NSUN6: variants seen among roughly 807,000 people sequenced by gnomAD.
NSUN6 encodes the protein NOP2/Sun RNA methyltransferase 6.
A neutral mutation model predicts 58.0 loss-of-function variants in NSUN6; 64 were observed. The ratio of observed to expected loss-of-function variants is 1.10; its 90% confidence interval spans 0.90 to 1.36. The LOEUF (loss-of-function observed/expected upper bound fraction) is 1.36, where lower values mean the gene tolerates loss of function less well. Ranked by LOEUF, NSUN6 falls within the 40% of genes most tolerant of loss-of-function variation. The pLI is 0.00. For synonymous variants in NSUN6, 231 were observed against 193.9 expected, an observed-to-expected ratio of 1.19 and a Z score of -1.59; for missense variants, 701 against 550.1, an observed-to-expected ratio of 1.27 and a Z score of -2.74.
chr10:18,656,715 C>A (rs912452276), upstream of NSUN6, among the ~76,000 whole-genome samples: 1 of 149,854 alleles, frequency 6.7e-6, no homozygotes, highest in Non-Finnish European at 1.5e-5. Flanking sequence ...TCCTTGAACT[C>A]TTTAAAATAT....
At chr10:18,575,960 G>A (rs575311472) in intron 8 of NSUN6, among the ~76,000 whole-genome samples, 2 of 152,240 alleles carry the variant, frequency 1.3e-5, no homozygotes, top group East Asian at 3.9e-4. Flanking sequence ...ATCAAAAGCT[G>A]GAAGGAGAAG....
chr10:18,615,440 G>C (rs1221146253), intron 4 of NSUN6, among the ~76,000 whole-genome samples: 1 of 152,112 alleles, frequency 6.6e-6, no homozygotes. Context: ...TTCCTGTAAA[G>C]GGCAAATAAA....
chr10:18,574,381 C>T (rs902241310), intron 8 of NSUN6, among the ~76,000 whole-genome samples: 7 of 151,950 alleles, frequency 4.6e-5, no homozygotes, highest in African/African-American at 9.7e-5. Context: ...TAACATAGAC[C>T]ACCGAAAATT....
At chr10:18,628,724 G>A (rs1490814760) in intron 3 of NSUN6, among the ~76,000 whole-genome samples, 2 of 152,164 alleles carry the variant, frequency 1.3e-5, no homozygotes, top group Admixed American at 6.5e-5. Flanking sequence ...AAAAAGAAAT[G>A]AGGAAAGCCT....
chr10:18,628,977 G>A (rs1337218073), intron 3 of NSUN6, among the ~76,000 whole-genome samples: 2 of 152,126 alleles, frequency 1.3e-5, no homozygotes, highest in Non-Finnish European at 2.9e-5. Flanking sequence ...TTGAAATGAA[G>A]GAAAAAATGT....
At chr10:18,578,348 C>G (rs2056760140) in intron 8 of NSUN6, among the ~76,000 whole-genome samples, 1 of 151,732 alleles carries the variant, frequency 6.6e-6, no homozygotes, top group Non-Finnish European at 1.5e-5. Flanking sequence ...ATTCTGCTCC[C>G]TCAGCTTCCT....
intron 8 of NSUN6, among the ~76,000 whole-genome samples, chr10:18,558,711 T>G (rs12571081): frequency 0.33 from 44,329 of 134,600 alleles, 7,796 homozygotes; most frequent in East Asian, 0.72. Flanking sequence ...GGAATGGAAT[T>G]GAAAGTGGAA....
chr10:18,546,116 C>T lies in NSUN6; in HGVS notation c.1227G>A (p.Arg409=). 6.2e-7 allele frequency: 1 copy of T among 1,613,536 alleles called. No individual in the cohort carries two copies. Among genetic ancestry groups the T allele is most frequent in the Non-Finnish European group, 8.5e-7 (1 of 1,179,612 alleles). ...ACTGTTCACATGAGAGCCCAGCTCC[C>T]CTCATTCCTTCTCCTCCAATCTGCG... ...QEPQIGGEGM[R]GAGLSCEQLK... Residue 409 remains arginine, a synonymous_variant, in exon 11 of 11, where the codon AGG becomes AGA. Coordinates refer to ENST00000377304, the MANE Select transcript of NSUN6 (RefSeq NM_182543.5).
chr10:18,587,044 T>C (rs570206456), intron 7 of NSUN6, among the ~76,000 whole-genome samples: 23 of 152,348 alleles, frequency 1.5e-4, no homozygotes, highest in African/African-American at 1.9e-4. Context: ...TAAATACTTA[T>C]GGCTTTCCAT....
At position 18,651,231 on chromosome 10, in the gene NSUN6, G is replaced by A; in HGVS notation, c.-28C>T. The A allele has an allele frequency of 6.6e-7, 1 of 1,516,198 alleles. No individual in the cohort carries two copies. The highest frequency in any genetic ancestry group is 1.4e-5 in the African/African-American group (1 of 69,658). The allele number at this position is 1,516,198 out of a possible 1,614,324, so 93.9% of individuals were successfully genotyped here. A position where few individuals can be genotyped will look rare whatever the true frequency, so the allele number is the denominator to read the frequency against. ...TTCCTGTTGTTTAGTTCTCCACCAA[G>A]AGAAATGCTGGAAAACGGTGTTTTG... On this transcript the variant is annotated 5_prime_UTR_variant, in exon 1 of 11. Transcript: ENST00000377304.
At chr10:18,626,464 GA>G (rs1300810882) in intron 3 of NSUN6, among the ~76,000 whole-genome samples, 1 of 152,142 alleles carries the variant, frequency 6.6e-6, no homozygotes, top group Non-Finnish European at 1.5e-5. Flanking sequence ...TCTCATAATG[GA>G]AAGTCAAAAG....
At chr10:18,583,846 A>G (rs1317557111) in intron 8 of NSUN6, among the ~76,000 whole-genome samples, 3 of 152,238 alleles carry the variant, frequency 2.0e-5, no homozygotes, top group African/African-American at 7.2e-5. Context: ...GCATTTTTCT[A>G]AGAAAAAAGG....
chr10:18,651,489 A>C lies in NSUN6; in HGVS notation c.-286T>G, dbSNP rs563000203. On this transcript the variant is annotated 5_prime_UTR_variant, in exon 1 of 11. Transcript: ENST00000377304. The stretch of plus-strand genomic sequence containing the variant: ...AATGCCACTCACGTTGCAAAGAACC[A>C]AAAAAAGAAAAAAATGCTTAGTAAC... The C allele has an allele frequency of 8.2e-6, 9 of 1,094,174 alleles. No homozygotes were observed. The highest frequency in any genetic ancestry group is 6.7e-6 in the Non-Finnish European group (6 of 901,342). The allele number at this position is 1,094,174 out of a possible 1,614,324, so 67.8% of individuals were successfully genotyped here. A position where few individuals can be genotyped will look rare whatever the true frequency, so the allele number is the denominator to read the frequency against.
At chr10:18,613,393 G>A (rs560462379) in intron 5 of NSUN6, among the ~76,000 whole-genome samples, 7 of 152,226 alleles carry the variant, frequency 4.6e-5, no homozygotes, top group Admixed American at 2.0e-4. Context: ...CACCACGCCC[G>A]GCCAAAGGGT....
At chr10:18,635,243 G>T (rs1356255592) in intron 3 of NSUN6, among the ~76,000 whole-genome samples, 1 of 152,112 alleles carries the variant, frequency 6.6e-6, no homozygotes, top group Admixed American at 6.6e-5. Flanking sequence ...GCCTGTGTTT[G>T]GTTTCTTCCA....
intron 3 of NSUN6, among the ~76,000 whole-genome samples, chr10:18,620,498 T>C (rs970021373): frequency 3.3e-5 from 5 of 152,080 alleles, no homozygotes; most frequent in African/African-American, 1.2e-4. Flanking sequence ...CTTTCACCCA[T>C]CCCCCAACTC....
rs143541626 is a variant in NSUN6, at chr10:18,545,997, C to T, written c.1346G>A (p.Arg449His). Reference protein sequence around the residue: ...LREARREDMLRLANKDSIGFF... With the variant: ...LREARREDMLHLANKDSIGFF... ...ACCTATAGAGTCCTTATTAGCCAGA[C>T]GCAACATGTCTTCTCTTCTGGCCTC... is the stretch of plus-strand genomic sequence containing the variant. The change falls in exon 11 of 11, where the codon CGT becomes CAT. Residue 449 changes from arginine (R) to histidine (H), a missense_variant. Coordinates refer to ENST00000377304, the MANE Select transcript of NSUN6 (RefSeq NM_182543.5). 2.5e-5 allele frequency: 40 copies of T among 1,581,412 alleles called. No homozygotes were observed. In the East Asian group the frequency reaches 3.6e-4, roughly 14 times the overall value.
upstream of NSUN6, chr10:18,652,216 TA>T (rs543879669): frequency 1.2e-4 from 117 of 984,750 alleles, no homozygotes; most frequent in South Asian, 4.3e-3. Flanking sequence ...CCCTCGCCAT[TA>T]TTTTTTTTTC....
intron 3 of NSUN6, among the ~76,000 whole-genome samples, chr10:18,633,281 G>T (rs1328328865): frequency 1.5e-5 from 2 of 131,570 alleles, no homozygotes; most frequent in Non-Finnish European, 3.2e-5. Context: ...GGGGAGGGGG[G>T]AGGGATAGCA....
Sources: gnomAD v4.1 joint callset for allele counts (sites outside exome capture counted in the v4.1 genomes callset) on GRCh38, gnomAD v4.1.1 for gene constraint, MANE v1.5 for transcripts, NCBI Gene and HGNC (gene_info 2026-07-23, HGNC 2026-07-21) for gene names.